The following FRMD4B variants were observed in gnomAD, a reference collection of about 807,000 sequenced individuals.
FRMD4B encodes the protein FERM domain containing 4B, also known as FERM domain-containing protein 4B.
FRMD4B carries 74 observed loss-of-function variants against 141.5 expected under a neutral mutation model. The ratio of observed to expected loss-of-function variants is 0.52; its 90% CI spans 0.43 to 0.63. FRMD4B has a LOEUF of 0.63. Ranked by LOEUF, FRMD4B falls within the 30% of genes least tolerant of loss-of-function variation. The pLI, the probability that FRMD4B is intolerant of heterozygous loss-of-function variation, is 0.00. For synonymous variants in FRMD4B, 506 were observed against 467.9 expected (o/e 1.08, Z -1.05); for missense variants, 1,366 against 1,253.4 (o/e 1.09, Z -1.36).
At position 69,187,838 on chromosome 3, in the gene FRMD4B, A is replaced by C; in HGVS notation, c.1851T>G (p.Leu617=). 1 of 1,611,948 alleles carries C rather than the reference A, an allele frequency of 6.2e-7. No individual in the cohort carries two copies. The highest frequency in any genetic ancestry group is 8.5e-7 in the Non-Finnish European group (1 of 1,178,408). The change falls in exon 19 of 23, where the codon CTT becomes CTG. Residue 617 remains leucine (L), a synonymous_variant. Coordinates refer to ENST00000398540, the MANE Select transcript of FRMD4B (RefSeq NM_015123.3). ...TTCTGAAATGGATTCGCTCAATACC[A>C]AGAGACTTGGGGGGAAGAATTCTTG... ...HSPRILPPKS[L]GIERIHFRKS... is the part of the protein sequence containing the mutation.
intron 1 of FRMD4B, among the ~76,000 whole-genome samples, chr3:69,517,546 C>G (rs1043296127): frequency 2.0e-5 from 3 of 152,132 alleles, no homozygotes; most frequent in African/African-American, 7.2e-5. Flanking sequence ...AAGATATTGA[C>G]CTTTCAAAGG....
Position 69,244,943 on chromosome 3 carries a change from TA to T in FRMD4B, c.581+4282del, listed in dbSNP as rs1176548123. ...GCTTTATGGGGAAAAAAAGCTAATA[TA>T]AATAAGGCCATGATGAACATCTTTT... is the stretch of plus-strand genomic sequence containing the variant. On this transcript the variant is annotated intron_variant, in intron 7 of 22. Transcript: ENST00000398540. Among the ~76,000 whole-genome samples, 3 of 152,158 alleles carry T rather than the reference TA, an allele frequency of 2.0e-5. No homozygotes were observed. The East Asian group carries it at 5.8e-4, about 29-fold the overall frequency.
chr3:69,330,950 T>A (rs144753476), intron 1 of FRMD4B, among the ~76,000 whole-genome samples: 27 of 152,342 alleles, frequency 1.8e-4, no homozygotes, highest in South Asian at 4.1e-4. Context: ...GCACATGTCA[T>A]TATGCTCTGT....
At chr3:69,335,727 A>G (rs1024635974) in intron 1 of FRMD4B, among the ~76,000 whole-genome samples, 21 of 145,020 alleles carry the variant, frequency 1.4e-4, no homozygotes, top group South Asian at 2.2e-4. Flanking sequence ...GCTGGGCAGG[A>G]CTGAGTTTTT....
At chr3:69,228,647 C>A in intron 7 of FRMD4B, 1 of 355,064 alleles carries the variant, frequency 2.8e-6, no homozygotes, top group Non-Finnish European at 5.5e-6. Flanking sequence ...CCGACCTGGG[C>A]AACACAGTGA....
intron 18 of FRMD4B, among the ~76,000 whole-genome samples, chr3:69,188,685 A>G (rs2092798085): frequency 6.7e-6 from 1 of 148,900 alleles, no homozygotes; most frequent in Non-Finnish European, 1.5e-5. Flanking sequence ...TGAACCCGGG[A>G]AGCGGAGCTT....
At chr3:69,287,955 T>G in intron 4 of FRMD4B, 119 bp from the exon 5 acceptor site, 1 of 594,498 alleles carries the variant, frequency 1.7e-6, no homozygotes. Context: ...GGTTGTGCTT[T>G]CTTTTCCGTT....
intron 5 of FRMD4B, among the ~76,000 whole-genome samples, chr3:69,281,838 A>AATATATAT (rs1553715922): frequency 1.6e-5 from 2 of 128,232 alleles, no homozygotes; most frequent in African/African-American, 2.9e-5. Context: ...AAAAAAAAAA[A>AATATATAT]ATATATATAT....
At chr3:69,514,503 A>T (rs1666949862) in intron 1 of FRMD4B, among the ~76,000 whole-genome samples, 1 of 152,032 alleles carries the variant, frequency 6.6e-6, no homozygotes, top group African/African-American at 2.4e-5. Flanking sequence ...CAGCCTGGCC[A>T]ATGGGGTGAA....
intron 11 of FRMD4B, among the ~76,000 whole-genome samples, chr3:69,205,507 C>G (rs1054424088): frequency 6.6e-6 from 1 of 152,086 alleles, no homozygotes; most frequent in Non-Finnish European, 1.5e-5. Flanking sequence ...CCATGCCCAG[C>G]CTGAGTCCCT....
intron 2 of FRMD4B, among the ~76,000 whole-genome samples, chr3:69,311,875 CA>C: frequency 6.6e-6 from 1 of 152,018 alleles, no homozygotes; most frequent in Non-Finnish European, 1.5e-5. Flanking sequence ...ATCCCATTGT[CA>C]TTTAATCCTT....
intron 1 of FRMD4B, among the ~76,000 whole-genome samples, chr3:69,442,096 CT>C (rs555745880): frequency 3.5e-3 from 492 of 142,148 alleles, no homozygotes; most frequent in Non-Finnish European, 3.6e-3. Flanking sequence ...AAAGAAGTTT[CT>C]TTTTTTTTTT....
chr3:69,198,734 T>A lies in FRMD4B; in HGVS notation c.917A>T (p.Glu306Val). 1 of 1,569,424 alleles carries A rather than the reference T, an allele frequency of 6.4e-7. No homozygotes were observed. The highest frequency in any genetic ancestry group is 8.7e-7 in the Non-Finnish European group (1 of 1,150,606). Residue 306 changes from glutamate to valine, a missense_variant, in exon 12 of 23, where the codon GAG (glutamate) becomes GTG (valine). Glu to Val is a moderately radical substitution (Grantham distance 121). Transcript: ENST00000398540. Reference protein sequence around the residue: ...WKQLENLYFREKKFAVEVHDP... With the variant: ...WKQLENLYFRVKKFAVEVHDP... ...ATGAACTTCAACAGCAAATTTTTTC[T>A]CACGGAAATATAAGTTCTCCAGCTG...
intron 7 of FRMD4B, among the ~76,000 whole-genome samples, chr3:69,226,265 G>A (rs2093253269): frequency 6.6e-6 from 1 of 152,050 alleles, no homozygotes; most frequent in Non-Finnish European, 1.5e-5. Flanking sequence ...GAGAGTTATG[G>A]CTTAACCACA....
chr3:69,258,551 T>C (rs370712914), intron 5 of FRMD4B, among the ~76,000 whole-genome samples: 7 of 152,356 alleles, frequency 4.6e-5, no homozygotes, highest in African/African-American at 1.7e-4. Context: ...CTTTACTGGT[T>C]TGAGCAATTT....
At chr3:69,179,802 C>G (rs1439089279) in intron 21 of FRMD4B, among the ~76,000 whole-genome samples, 2 of 152,168 alleles carry the variant, frequency 1.3e-5, no homozygotes, top group Non-Finnish European at 2.9e-5. Context: ...AAACATTCCT[C>G]TGGCTGCTGA....
intron 7 of FRMD4B, among the ~76,000 whole-genome samples, chr3:69,248,747 C>T (rs912781305): frequency 4.6e-5 from 7 of 152,210 alleles, no homozygotes; most frequent in African/African-American, 9.6e-5. Flanking sequence ...TAAGTGTCTC[C>T]GCAGCAACAA....
intron 1 of FRMD4B, among the ~76,000 whole-genome samples, chr3:69,361,711 A>G (rs541100853): frequency 6.6e-6 from 1 of 152,336 alleles, no homozygotes; most frequent in African/African-American, 2.4e-5. Context: ...AGTAGTATCC[A>G]TTGCATGAAT....
chr3:69,369,862 G>C (rs964686518), intron 1 of FRMD4B, among the ~76,000 whole-genome samples: 2 of 145,600 alleles, frequency 1.4e-5, no homozygotes, highest in African/African-American at 5.2e-5. Flanking sequence ...TTTCTCCTGA[G>C]AAACATTTGG....
Sources: allele counts gnomAD v4.1 joint callset (sites outside exome capture counted in the v4.1 genomes callset), GRCh38; gene constraint gnomAD v4.1.1; transcripts MANE v1.5; gene names NCBI Gene and HGNC (gene_info 2026-07-23, HGNC 2026-07-21).